Variants in BPTF observed in about 807,000 individuals in gnomAD.
The protein encoded by BPTF is nucleosome-remodeling factor subunit BPTF.
Under a neutral mutation model 292.5 loss-of-function variants are expected in BPTF, and 18 were observed. That is an observed-to-expected ratio of 0.06 (90% CI 0.04 to 0.09). The LOEUF (loss-of-function observed/expected upper bound fraction) is 0.09, where lower values mean the gene tolerates loss of function less well. BPTF is among the 10% of genes least tolerant of loss of function. The probability of loss-of-function intolerance (pLI) is 1.00; values close to 1 mark genes in which losing one functional copy is unlikely to be tolerated. For synonymous variants in BPTF, 1,225 were observed against 1,251.9 expected (o/e 0.98, Z 0.45); for missense variants, 2,726 against 3,498.7 (o/e 0.78, Z 5.57).
rs553481030 is a variant in BPTF, at chr17:67,983,313, G to T, written c.*1025G>T. 1 of 152,668 alleles carries T rather than the reference G, an allele frequency of 6.6e-6. No individual in the cohort carries two copies. Among genetic ancestry groups the T allele is most frequent in the African/African-American group, 2.4e-5 (1 of 41,532 alleles). 9.5% of individuals were successfully genotyped at this position (152,668 alleles called of 1,614,324 possible). On this transcript the variant is annotated 3_prime_UTR_variant, in exon 28 of 28. Coordinates refer to ENST00000306378, the MANE Select transcript of BPTF (RefSeq NM_182641.4). ...ATCATTCCCAGTCCATTGTCATCACGTCAGAGAAAAATCTTCAGGGGTGCT... is the reference window on the plus strand; with the variant it reads ...ATCATTCCCAGTCCATTGTCATCACTTCAGAGAAAAATCTTCAGGGGTGCT...
At position 67,946,093 on chromosome 17, in the gene BPTF, G is replaced by T. The variant is rs782285410; in HGVS notation, c.7385G>T (p.Gly2462Val). 6.2e-7 allele frequency: 1 copy of T among 1,614,142 alleles called. No homozygotes were observed. The highest frequency in any genetic ancestry group is 1.3e-5 in the African/African-American group (1 of 75,024). ...VVAQIQAQQS[G>V]VPQQIKLQLP... ...GCTCAGATACAGGCTCAGCAAAGTG[G>T]TGTGCCCCAGCAAATCAAACTCCAG... Residue 2462 changes from glycine to valine, a missense_variant, in exon 21 of 28, where the codon GGT (glycine) becomes GTT (valine). Coordinates refer to ENST00000306378, the MANE Select transcript of BPTF (RefSeq NM_182641.4).
chr17:67,879,590 G>C (rs1435763610), intron 4 of BPTF, among the ~76,000 whole-genome samples: 3 of 152,244 alleles, frequency 2.0e-5, no homozygotes, highest in African/African-American at 7.2e-5. Flanking sequence ...TCTAAGGCTG[G>C]TGGTTTATTT....
rs536940351 is a variant in BPTF, at chr17:67,982,518, T to A, written c.*230T>A. 1 of 404,176 alleles carries A rather than the reference T, an allele frequency of 2.5e-6. No homozygotes were observed. The highest frequency in any genetic ancestry group is 4.4e-5 in the Admixed American group (1 of 22,676). The allele number at this position is 404,176 out of a possible 1,614,324, so 25.0% of individuals were successfully genotyped here. A position where few individuals can be genotyped will look rare whatever the true frequency, so the allele number is the denominator to read the frequency against. On this transcript the variant is annotated 3_prime_UTR_variant, in exon 28 of 28. Transcript: ENST00000306378. ...TCTTGTCAAGATCAGATGGTTTTAC[T>A]ATTGTGGCAGAAGCGAGAAAACTTT... is the stretch of plus-strand genomic sequence containing the variant.
chr17:67,918,933 G>A, intron 12 of BPTF, 95 bp downstream of exon 12: 4 of 1,340,612 alleles, frequency 3.0e-6, no homozygotes, highest in Non-Finnish European at 4.1e-6. Flanking sequence ...AGCACTTTGG[G>A]AGGCTGAGGC....
At chr17:67,944,464 G>A (rs2065641337) in intron 20 of BPTF, 92 bp downstream of exon 20, 1 of 1,400,402 alleles carries the variant, frequency 7.1e-7, no homozygotes, top group Non-Finnish European at 9.8e-7. Context: ...ATTTACCTTT[G>A]GAAGGATATG....
intron 9 of BPTF, among the ~76,000 whole-genome samples, chr17:67,908,302 G>T (rs1054365284): frequency 3.3e-5 from 5 of 151,880 alleles, no homozygotes; most frequent in African/African-American, 9.7e-5. Flanking sequence ...GGGACTACAG[G>T]CTCGTACCAC....
In BPTF at chr17:67,922,817, A is replaced by G. The variant is rs58996431; in HGVS notation, c.5558-23A>G. On this transcript the variant is annotated intron_variant, in intron 13 of 27. Transcript: ENST00000306378. The stretch of plus-strand genomic sequence containing the variant: ...AATTTTAGAAGCAATATTGCTTAAA[A>G]TATTCTGATTTCCTTTCCAAAGAAA... 3.7e-3 allele frequency: 5,849 copies of G among 1,579,318 alleles called. 132 individuals are homozygous for G. In the African/African-American group the frequency reaches 0.055, roughly 15 times the overall value.
chr17:67,952,831 C>T (rs782187699), intron 23 of BPTF, among the ~76,000 whole-genome samples: 4 of 152,182 alleles, frequency 2.6e-5, no homozygotes, highest in Non-Finnish European at 5.9e-5. Flanking sequence ...CCCTAACAAT[C>T]CCGTGTGCCA....
At chr17:67,920,642 T>C (rs2063371007) in intron 13 of BPTF, among the ~76,000 whole-genome samples, 1 of 152,198 alleles carries the variant, frequency 6.6e-6, no homozygotes, top group African/African-American at 2.4e-5. Flanking sequence ...CATAGAAGAA[T>C]GATATTTGGC....
intron 1 of BPTF, among the ~76,000 whole-genome samples, chr17:67,829,830 G>A (rs929749161): frequency 3.9e-5 from 6 of 152,096 alleles, no homozygotes; most frequent in Non-Finnish European, 8.8e-5. Context: ...CCTAACATAA[G>A]AAATAGCTCA....
At chr17:67,929,108 G>A in intron 16 of BPTF, 2 of 1,307,582 alleles carry the variant, frequency 1.5e-6, no homozygotes, top group East Asian at 3.1e-5. Flanking sequence ...AAATGTGCCA[G>A]CAACACAAGG....
At chr17:67,942,028 G>A (rs1439136231) in intron 19 of BPTF, among the ~76,000 whole-genome samples, 7 of 152,160 alleles carry the variant, frequency 4.6e-5, no homozygotes, top group African/African-American at 9.7e-5. Context: ...GGCAAGGTGC[G>A]GTGGCTCACA....
chr17:67,877,709 C>T (rs2060134552), intron 4 of BPTF, among the ~76,000 whole-genome samples: 1 of 152,100 alleles, frequency 6.6e-6, no homozygotes, highest in African/African-American at 2.4e-5. Context: ...GGCTTGACCT[C>T]CCAGGGTCAA....
At chr17:67,906,634 G>T (rs2062219846) in intron 9 of BPTF, among the ~76,000 whole-genome samples, 1 of 152,140 alleles carries the variant, frequency 6.6e-6, no homozygotes, top group Admixed American at 6.6e-5. Flanking sequence ...GCTCTTGACA[G>T]GATTACGGTT....
chr17:67,881,034 CAG>C (rs1352377868), intron 4 of BPTF, among the ~76,000 whole-genome samples: 2 of 151,466 alleles, frequency 1.3e-5, no homozygotes, highest in Admixed American at 6.6e-5. Context: ...AAAATCTTGT[CAG>C]AATACTGTCA....
intron 19 of BPTF, among the ~76,000 whole-genome samples, chr17:67,942,065 C>T (rs566742126): frequency 9.2e-5 from 14 of 152,122 alleles, no homozygotes; most frequent in South Asian, 4.1e-4. Context: ...TTTGGGGGGC[C>T]AAGGTTTTGG....
chr17:67,935,421 C>G (rs554854399), intron 18 of BPTF, among the ~76,000 whole-genome samples: 108 of 151,780 alleles, frequency 7.1e-4, no homozygotes, highest in African/African-American at 2.5e-3. Context: ...GAGTGAAACC[C>G]TGTCTCAAAA....
chr17:67,918,498 T>A (rs1441285683), intron 11 of BPTF, among the ~76,000 whole-genome samples: 3 of 151,304 alleles, frequency 2.0e-5, no homozygotes, highest in Non-Finnish European at 4.4e-5. Context: ...TAGCCCCTTT[T>A]AAAAAAAAAT....
chr17:67,955,021 G>A (rs1177565842), intron 23 of BPTF, among the ~76,000 whole-genome samples: 1 of 152,150 alleles, frequency 6.6e-6, no homozygotes, highest in Non-Finnish European at 1.5e-5. Context: ...CGGGTACGGT[G>A]GCTCATGCCT....
Sources: gnomAD v4.1 joint callset for allele counts (sites outside exome capture counted in the v4.1 genomes callset) on GRCh38, gnomAD v4.1.1 for gene constraint, MANE v1.5 for transcripts, NCBI Gene and HGNC (gene_info 2026-07-23, HGNC 2026-07-21) for gene names.